Variants in TSHZ2 observed in about 807,000 individuals in gnomAD.
The protein encoded by TSHZ2 is teashirt zinc finger homeobox 2, also known as teashirt homolog 2.
TSHZ2 carries 21 observed loss-of-function variants against 74.4 expected under a neutral mutation model. The observed-to-expected ratio is 0.28, with a 90% CI of 0.20 to 0.41. The LOEUF (loss-of-function observed/expected upper bound fraction) is 0.41, where lower values mean the gene tolerates loss of function less well. Among genes scored for constraint, TSHZ2 ranks in the 10% least tolerant of loss-of-function variants. The probability of loss-of-function intolerance (pLI) is 1.00; values close to 1 mark genes in which losing one functional copy is unlikely to be tolerated. For synonymous variants in TSHZ2, 540 were observed against 515.3 expected, an observed-to-expected ratio of 1.05 and a Z score of -0.65; for missense variants, 1,244 against 1,293.5, an observed-to-expected ratio of 0.96 and a Z score of 0.59.
intron 2 of TSHZ2, among the ~76,000 whole-genome samples, chr20:53,258,017 A>G (rs1173548101): frequency 1.3e-5 from 2 of 152,214 alleles, no homozygotes; most frequent in Admixed American, 6.5e-5. Context: ...GAAGATGGCC[A>G]AGATGAAATA....
At chr20:53,283,394 C>T (rs1258342577) in intron 2 of TSHZ2, among the ~76,000 whole-genome samples, 1 of 152,166 alleles carries the variant, frequency 6.6e-6, no homozygotes, top group Non-Finnish European at 1.5e-5. Flanking sequence ...ATCTTTCCTG[C>T]CATCACACCA....
chr20:53,003,776 A>G (rs1421047579), intron 1 of TSHZ2, among the ~76,000 whole-genome samples: 1 of 152,196 alleles, frequency 6.6e-6, no homozygotes, highest in Non-Finnish European at 1.5e-5. Flanking sequence ...CCCACAGATA[A>G]ACAAATTGTA....
rs559753900 is a variant in TSHZ2 at position 53,231,639 on chromosome 20, C to T, written c.41-21860C>T. Among the ~76,000 whole-genome samples, 12 of 152,250 alleles carry T rather than the reference C, an allele frequency of 7.9e-5. No homozygotes were observed. The South Asian group carries it at 1.2e-3, about 16-fold the overall frequency. ...ACACATATTTACTGAGCATTTACTA[C>T]GTGCCTGGAAGTGCCTGGAAGTCTT... On this transcript the variant is annotated intron_variant, in intron 1 of 2. Transcript: ENST00000371497.
At chr20:53,164,697 A>G (rs938198151) in intron 1 of TSHZ2, among the ~76,000 whole-genome samples, 2 of 152,220 alleles carry the variant, frequency 1.3e-5, no homozygotes, top group African/African-American at 4.8e-5. Context: ...GTTCTGAAGG[A>G]TTAAATGAAA....
At chr20:53,446,652 TA>T (rs1984562880) in intron 2 of TSHZ2, among the ~76,000 whole-genome samples, 1 of 152,094 alleles carries the variant, frequency 6.6e-6, no homozygotes, top group Non-Finnish European at 1.5e-5. Context: ...CCTCCTTTTT[TA>T]CACCTCCTTT....
At chr20:52,997,266 G>GA (rs1015745814) in intron 1 of TSHZ2, among the ~76,000 whole-genome samples, 2 of 150,892 alleles carry the variant, frequency 1.3e-5, no homozygotes, top group South Asian at 2.1e-4. Context: ...CCCCGGGGGG[G>GA]GGTTCAGCAC....
chr20:53,050,089 A>G (rs1984370775), intron 1 of TSHZ2, among the ~76,000 whole-genome samples: 1 of 130,446 alleles, frequency 7.7e-6, no homozygotes, highest in Admixed American at 8.0e-5. Context: ...TCAAAAAAAA[A>G]AATGTATATG....
chr20:53,385,615 G>A (rs745839002), intron 2 of TSHZ2, among the ~76,000 whole-genome samples: 1 of 152,136 alleles, frequency 6.6e-6, no homozygotes, highest in Non-Finnish European at 1.5e-5. Context: ...CTGTCGCCCT[G>A]GAGATGTTTT....
intron 1 of TSHZ2, among the ~76,000 whole-genome samples, chr20:53,229,272 C>T (rs910141324): frequency 4.0e-5 from 6 of 151,750 alleles, no homozygotes; most frequent in South Asian, 2.1e-4. Context: ...TAACCCAGTA[C>T]GTCACCTTTG....
chr20:53,168,420 A>G (rs1276511957), intron 1 of TSHZ2, among the ~76,000 whole-genome samples: 1 of 152,250 alleles, frequency 6.6e-6, no homozygotes, highest in African/African-American at 2.4e-5. Flanking sequence ...GTTAAACTCC[A>G]AAAGAGTTAA....
intron 2 of TSHZ2, among the ~76,000 whole-genome samples, chr20:53,313,467 G>A (rs575094036): frequency 2.6e-5 from 4 of 152,348 alleles, no homozygotes; most frequent in African/African-American, 7.2e-5. Context: ...GGTCCCTACA[G>A]CATAAAAGGA....
chr20:53,304,387 C>G (rs1364847472), intron 2 of TSHZ2, among the ~76,000 whole-genome samples: 1 of 151,972 alleles, frequency 6.6e-6, no homozygotes, highest in Non-Finnish European at 1.5e-5. Flanking sequence ...CTGCTTGTAG[C>G]ATATCGTACT....
At chr20:53,303,537 G>T (rs925666247) in intron 2 of TSHZ2, among the ~76,000 whole-genome samples, 4 of 152,178 alleles carry the variant, frequency 2.6e-5, no homozygotes, top group African/African-American at 9.7e-5. Flanking sequence ...TGATTAAAAG[G>T]CTTGCAGCCT....
chr20:53,061,589 C>T (rs1391215424), intron 1 of TSHZ2, among the ~76,000 whole-genome samples: 1 of 152,270 alleles, frequency 6.6e-6, no homozygotes, highest in East Asian at 1.9e-4. Flanking sequence ...GCTTTCTCAA[C>T]TATTCATGTT....
rs1248348856 is a variant in TSHZ2 at position 53,074,308 on chromosome 20, T to A, written c.40+100975T>A. Among the ~76,000 whole-genome samples the A allele has an allele frequency of 6.6e-6, 1 of 152,246 alleles. No individual in the cohort carries two copies. Among genetic ancestry groups the A allele is most frequent in the Non-Finnish European group, 1.5e-5 (1 of 68,046 alleles). ...AGAAGTTACCACATTGCTGAAATTA[T>A]GTCCTAAGTATCAGTCCTTTCTACT... On this transcript the variant is annotated intron_variant, in intron 1 of 2. Transcript: ENST00000371497. The surrounding 1 kb of genome is among the most constrained non-coding windows in gnomAD (Gnocchi z 5.9).
intron 2 of TSHZ2, among the ~76,000 whole-genome samples, chr20:53,375,400 G>A (rs1981624869): frequency 6.6e-6 from 1 of 152,216 alleles, no homozygotes; most frequent in Non-Finnish European, 1.5e-5. Flanking sequence ...ATGAGGAGAT[G>A]AAATGACAGG....
At chr20:52,974,536 T>C (rs1335860438) in intron 1 of TSHZ2, among the ~76,000 whole-genome samples, 1 of 151,954 alleles carries the variant, frequency 6.6e-6, no homozygotes, top group Non-Finnish European at 1.5e-5. Context: ...GTCTTTACCC[T>C]CTTGATTTAG....
intron 1 of TSHZ2, among the ~76,000 whole-genome samples, chr20:53,239,833 T>G (rs1273229200): frequency 1.3e-5 from 2 of 151,978 alleles, no homozygotes; most frequent in Admixed American, 1.3e-4. Flanking sequence ...ACATGAAAAA[T>G]ATCAGGGCAC....
chr20:53,486,165 A>G (rs1986285028), intron 2 of TSHZ2, among the ~76,000 whole-genome samples: 1 of 152,070 alleles, frequency 6.6e-6, no homozygotes, highest in Non-Finnish European at 1.5e-5. Flanking sequence ...TCTTTTTGTG[A>G]CTGGCTTATT....
Sources: gnomAD v4.1 joint callset for allele counts (sites outside exome capture counted in the v4.1 genomes callset) on GRCh38, gnomAD v4.1.1 for gene constraint, Gnocchi (gnomAD v3.1) non-coding constraint, MANE v1.5 for transcripts, NCBI Gene and HGNC (gene_info 2026-07-23, HGNC 2026-07-21) for gene names.